The following KCNK10 variants were observed in gnomAD, a reference collection of about 807,000 sequenced individuals.
KCNK10 encodes potassium channel subfamily K member 10.
Under a neutral mutation model 47.7 loss-of-function variants are expected in KCNK10, and 25 were observed. The observed-to-expected ratio is 0.52, with a 90% confidence interval of 0.38 to 0.73. KCNK10 has a LOEUF of 0.73. Among genes scored for constraint, KCNK10 ranks in the 30% least tolerant of loss-of-function variants. KCNK10 has a pLI of 0.00. For missense variants in KCNK10, 563 were observed against 714.5 expected (o/e 0.79, Z 2.42); for synonymous variants, 303 against 285.6 (o/e 1.06, Z -0.61).
At chr14:88,198,040 T>C (rs1019547281) in intron 4 of KCNK10, among the ~76,000 whole-genome samples, 10 of 152,182 alleles carry the variant, frequency 6.6e-5, no homozygotes, top group Non-Finnish European at 1.3e-4. Context: ...TAGTACCTAA[T>C]GACACCTAGG....
intron 4 of KCNK10, among the ~76,000 whole-genome samples, chr14:88,202,646 C>A (rs1211004845): frequency 6.6e-6 from 1 of 152,250 alleles, no homozygotes; most frequent in Non-Finnish European, 1.5e-5. Flanking sequence ...TTCTCAGAGG[C>A]AGACTTACAG....
chr14:88,316,126 C>A (rs1175267719), intron 1 of KCNK10, among the ~76,000 whole-genome samples: 1 of 152,094 alleles, frequency 6.6e-6, no homozygotes, highest in Non-Finnish European at 1.5e-5. Context: ...ATCCCCACTA[C>A]CTCCAATGCC....
chr14:88,263,475 A>G lies in KCNK10; in HGVS notation c.129T>C (p.Thr43=), dbSNP rs1324980010. 1.9e-6 allele frequency: 3 copies of G among 1,613,994 alleles called. 1 individual carries two copies. The highest frequency in any genetic ancestry group is 2.2e-5 in the South Asian group (2 of 91,082). The change falls in exon 2 of 7, where the codon ACT becomes ACC. Residue 43 remains threonine, a synonymous_variant. Coordinates refer to ENST00000319231, the MANE Select transcript of KCNK10 (RefSeq NM_138317.3). ...AGGAAATGGACAGGCGCGGAGTTGG[A>G]GTCGGAGCCGGAGCCGGGGGTTGCC... ...TNGQPPAPAP[T]PTPRLSISSR...
At chr14:88,238,070 C>T (rs1241266031) in intron 3 of KCNK10, among the ~76,000 whole-genome samples, 1 of 152,132 alleles carries the variant, frequency 6.6e-6, no homozygotes, top group African/African-American at 2.4e-5. Context: ...GCTGTAGCTT[C>T]TCCACTAGCA....
Position 88,211,497 on chromosome 14 carries a change from T to C in KCNK10, c.681+15878A>G, listed in dbSNP as rs1595082978. On this transcript the variant is annotated intron_variant, in intron 4 of 6. Coordinates refer to ENST00000319231, the MANE Select transcript of KCNK10 (RefSeq NM_138317.3). Reference sequence around the variant, plus strand: ...AACTGTACACTTAAAAACAGGATGGTAAATTTTATGTTGTGCACACTTTAA... The same window carrying C: ...AACTGTACACTTAAAAACAGGATGGCAAATTTTATGTTGTGCACACTTTAA... Among the ~76,000 whole-genome samples the C allele has an allele frequency of 3.3e-5, 5 of 151,534 alleles. No homozygotes were observed. The East Asian group carries it at 9.7e-4, about 29-fold the overall frequency.
At chr14:88,306,937 A>C (rs1888214146) in intron 1 of KCNK10, among the ~76,000 whole-genome samples, 1 of 152,224 alleles carries the variant, frequency 6.6e-6, no homozygotes, top group Middle Eastern at 3.2e-3. Context: ...ACAGACATGA[A>C]ACCATATCCC....
intron 1 of KCNK10, among the ~76,000 whole-genome samples, chr14:88,272,194 G>A (rs1206647313): frequency 1.3e-5 from 2 of 152,190 alleles, no homozygotes. Context: ...AACATAAAAT[G>A]TACGGCATGT....
At chr14:88,323,688 C>G (rs1279091266), upstream of KCNK10, 1 of 151,630 alleles carries the variant, frequency 6.6e-6, no homozygotes, top group Non-Finnish European at 1.5e-5. Context: ...GCGGCAGCGG[C>G]GCGCTTGCTG....
At chr14:88,199,440 T>C (rs9630367) in intron 4 of KCNK10, among the ~76,000 whole-genome samples, 28,984 of 151,660 alleles carry the variant, frequency 0.19, 3,033 homozygotes, top group East Asian at 0.4. Flanking sequence ...AAAAGAAGAG[T>C]GGATTGGGAC....
upstream of KCNK10, among the ~76,000 whole-genome samples, chr14:88,325,642 G>A (rs1451078368): frequency 1.3e-5 from 2 of 151,710 alleles, no homozygotes; most frequent in Admixed American, 6.6e-5. Flanking sequence ...CCATGGGTTC[G>A]TTTGGGTAAT....
chr14:88,285,112 G>A (rs192964699), intron 1 of KCNK10, among the ~76,000 whole-genome samples: 163 of 152,252 alleles, frequency 1.1e-3, no homozygotes, highest in African/African-American at 3.8e-3. Flanking sequence ...AATAGTGTTT[G>A]TTTGTTTGTT....
chr14:88,230,542 C>T (rs1191844627), intron 3 of KCNK10, among the ~76,000 whole-genome samples: 4 of 152,226 alleles, frequency 2.6e-5, no homozygotes, highest in African/African-American at 9.6e-5. Flanking sequence ...CTTGGCCCAA[C>T]TGTGTGTTGT....
chr14:88,273,378 T>C (rs1442501517), intron 1 of KCNK10, among the ~76,000 whole-genome samples: 1 of 152,176 alleles, frequency 6.6e-6, no homozygotes, highest in Non-Finnish European at 1.5e-5. Context: ...TACTATACCA[T>C]AGCAGCATTT....
At chr14:88,281,584 T>G (rs989095911) in intron 1 of KCNK10, among the ~76,000 whole-genome samples, 1 of 151,970 alleles carries the variant, frequency 6.6e-6, no homozygotes, top group African/African-American at 2.4e-5. Flanking sequence ...GCTTTCCTGG[T>G]TCTCAGGCCT....
chr14:88,270,724 C>G, intron 1 of KCNK10: 1 of 781,046 alleles, frequency 1.3e-6, no homozygotes, highest in Non-Finnish European at 2.4e-6. Flanking sequence ...GTCCAGAACC[C>G]CATCTTCTCT....
intron 3 of KCNK10, among the ~76,000 whole-genome samples, chr14:88,240,325 T>C (rs185617527): frequency 1.2e-3 from 178 of 152,300 alleles, no homozygotes; most frequent in African/African-American, 4.0e-3. Flanking sequence ...GGTGAGACGG[T>C]CAGAATGTTA....
intron 1 of KCNK10, among the ~76,000 whole-genome samples, chr14:88,263,891 G>A (rs1486539403): frequency 6.6e-6 from 1 of 152,108 alleles, no homozygotes; most frequent in Non-Finnish European, 1.5e-5. Context: ...CAATGTGTAA[G>A]GAATACAACA....
chr14:88,234,114 T>A (rs1412550730), intron 3 of KCNK10, among the ~76,000 whole-genome samples: 2 of 152,186 alleles, frequency 1.3e-5, no homozygotes, highest in African/African-American at 4.8e-5. Flanking sequence ...CCTCTGGTGT[T>A]GTTCAGGTTG....
intron 1 of KCNK10, among the ~76,000 whole-genome samples, chr14:88,296,602 A>G (rs994635258): frequency 1.9e-4 from 29 of 152,164 alleles, no homozygotes; most frequent in African/African-American, 7.0e-4. Context: ...CAATGAATTT[A>G]TGTGGCAGGC....
Sources: gnomAD v4.1 joint callset for allele counts (sites outside exome capture counted in the v4.1 genomes callset) on GRCh38, gnomAD v4.1.1 for gene constraint, MANE v1.5 for transcripts, NCBI Gene and HGNC (gene_info 2026-07-23, HGNC 2026-07-21) for gene names.